FAM178B: variants seen among roughly 807,000 people sequenced by gnomAD.
FAM178B encodes the protein protein FAM178B.
Under a neutral mutation model 91.7 loss-of-function variants are expected in FAM178B, and 82 were observed. That is an observed-to-expected ratio of 0.89 (90% CI 0.75 to 1.07). The LOEUF (loss-of-function observed/expected upper bound fraction) is 1.07. Ranked by LOEUF, FAM178B falls within the 50% of genes least tolerant of loss-of-function variation. FAM178B has a pLI of 0.00. For synonymous variants in FAM178B, 368 were observed against 359.4 expected (o/e 1.02, Z -0.27); for missense variants, 769 against 846.7 (o/e 0.91, Z 1.14).
At chr2:96,887,329 A>C (rs1286027904) in intron 14 of FAM178B, among the ~76,000 whole-genome samples, 1 of 152,164 alleles carries the variant, frequency 6.6e-6, no homozygotes. Flanking sequence ...TCAACCTCTG[A>C]AAGTGCTGAA....
intron 8 of FAM178B, among the ~76,000 whole-genome samples, chr2:96,946,812 A>G (rs2081836865): frequency 6.6e-6 from 1 of 152,242 alleles, no homozygotes; most frequent in Non-Finnish European, 1.5e-5. Context: ...GGCAGAGGTT[A>G]CGAAAAGGGA....
chr2:96,958,943 G>A (rs908209089), intron 6 of FAM178B, among the ~76,000 whole-genome samples: 2 of 151,850 alleles, frequency 1.3e-5, no homozygotes, highest in African/African-American at 2.4e-5. Context: ...GCTCATGCCT[G>A]TAATCCCAGC....
chr2:96,977,502 T>C (rs1442574251), intron 1 of FAM178B, among the ~76,000 whole-genome samples: 1 of 151,420 alleles, frequency 6.6e-6, no homozygotes, highest in Non-Finnish European at 1.5e-5. Context: ...AAATTGCTCT[T>C]TAAACAAACT....
At chr2:96,913,792 C>T (rs1429831385) in intron 12 of FAM178B, among the ~76,000 whole-genome samples, 3 of 152,162 alleles carry the variant, frequency 2.0e-5, no homozygotes, top group Admixed American at 2.0e-4. Flanking sequence ...GGGTCCCTGG[C>T]CAGAAAAGCC....
intron 1 of FAM178B, among the ~76,000 whole-genome samples, chr2:96,979,663 G>A (rs373352058): frequency 1.6e-4 from 25 of 152,122 alleles, no homozygotes; most frequent in African/African-American, 5.8e-4. Context: ...TGGGATTGGT[G>A]GGTTGAATGG....
intron 4 of FAM178B, among the ~76,000 whole-genome samples, chr2:96,969,500 C>T (rs555170853): frequency 6.6e-6 from 1 of 152,256 alleles, no homozygotes; most frequent in East Asian, 1.9e-4. Flanking sequence ...TTGTTTAAGC[C>T]CCCAGTGTGT....
In FAM178B at chr2:96,886,936, C is replaced by T. The variant is rs570456183; in HGVS notation, c.1776+6990G>A. On this transcript the variant is annotated intron_variant, in intron 14 of 16. Transcript: ENST00000490605. ...CATTTTTAAAAAAAAACCTTTTGGC[C>T]GGGCGCGGTGGCTCACGCCTGTAAT... 7.1e-4 allele frequency among the ~76,000 whole-genome samples: 108 copies of T among 152,286 alleles called. 1 individual carries two copies. Among genetic ancestry groups the T allele is most frequent in the African/African-American group, 2.6e-3 (107 of 41,560 alleles).
chr2:96,985,627 G>A (rs749692687), intron 1 of FAM178B, among the ~76,000 whole-genome samples: 1 of 152,182 alleles, frequency 6.6e-6, no homozygotes, highest in Non-Finnish European at 1.5e-5. Context: ...TGTCAAAAGA[G>A]CCAAGATGAA....
chr2:96,938,001 T>A (rs1331731118), intron 8 of FAM178B, among the ~76,000 whole-genome samples: 1 of 152,152 alleles, frequency 6.6e-6, no homozygotes, highest in Non-Finnish European at 1.5e-5. Context: ...ACCACTGCAC[T>A]CCAGCCTGGG....
chr2:96,924,008 G>A (rs1364067955), intron 9 of FAM178B, among the ~76,000 whole-genome samples: 9 of 152,196 alleles, frequency 5.9e-5, no homozygotes, highest in Admixed American at 1.3e-4. Flanking sequence ...ACCTAACCTC[G>A]AAAGTGACAT....
intron 14 of FAM178B, among the ~76,000 whole-genome samples, chr2:96,884,475 C>T (rs960493614): frequency 5.3e-5 from 8 of 152,304 alleles, no homozygotes; most frequent in South Asian, 2.1e-4. Context: ...CCCCGGGGCA[C>T]GGTCTAGGTA....
chr2:96,896,886 A>G (rs1037337545), intron 13 of FAM178B, among the ~76,000 whole-genome samples: 3 of 152,090 alleles, frequency 2.0e-5, no homozygotes, highest in Non-Finnish European at 2.9e-5. Flanking sequence ...CTATCTATCT[A>G]AACAGAATCT....
At chr2:96,909,610 C>T (rs2081117571) in intron 12 of FAM178B, among the ~76,000 whole-genome samples, 1 of 152,184 alleles carries the variant, frequency 6.6e-6, no homozygotes, top group African/African-American at 2.4e-5. Flanking sequence ...GGCTGATGCT[C>T]ATTTTCTTGG....
intron 8 of FAM178B, among the ~76,000 whole-genome samples, chr2:96,931,855 TG>T (rs1392186676): frequency 6.6e-6 from 1 of 151,134 alleles, no homozygotes; most frequent in African/African-American, 2.4e-5. Flanking sequence ...CTTGTTTGTT[TG>T]TTTTTTTTTT....
chr2:96,976,197 C>T (rs1282048347), intron 1 of FAM178B, among the ~76,000 whole-genome samples: 4 of 151,628 alleles, frequency 2.6e-5, no homozygotes, highest in Admixed American at 6.6e-5. Context: ...CAGGTTCAAG[C>T]GATTCTCCTG....
intron 13 of FAM178B, chr2:96,895,135 C>T (rs1216782564): frequency 7.8e-7 from 1 of 1,287,926 alleles, no homozygotes; most frequent in Non-Finnish European, 1.0e-6. Flanking sequence ...CCCCTTCCCG[C>T]TCTTTTCCTT....
chr2:96,889,725 A>T (rs903126786), intron 14 of FAM178B, among the ~76,000 whole-genome samples: 2 of 136,732 alleles, frequency 1.5e-5, no homozygotes, highest in South Asian at 2.4e-4. Context: ...AATAAATACA[A>T]AAAAAAATAG....
chr2:96,876,767 G>C (rs973960728), intron 16 of FAM178B, among the ~76,000 whole-genome samples: 4 of 152,118 alleles, frequency 2.6e-5, no homozygotes, highest in Non-Finnish European at 5.9e-5. Context: ...ACTGGTGGTG[G>C]GGTGGGGGGT....
In FAM178B at chr2:96,896,263, TCTCA is replaced by T. The variant is rs1247321421; in HGVS notation, c.1651-2216_1651-2213del. Among the ~76,000 whole-genome samples the T allele has an allele frequency of 4.6e-5, 7 of 152,170 alleles. No individual in the cohort carries two copies. The East Asian group carries it at 1.4e-3, about 29-fold the overall frequency. On this transcript the variant is annotated intron_variant, in intron 13 of 16. Transcript: ENST00000490605. ...GCGATGCTTGCTCTTGTGTTTTTCC[TCTCA>T]CTCATGAAAACAGCTTGGCTGTGCT...
Sources: allele counts gnomAD v4.1 joint callset (sites outside exome capture counted in the v4.1 genomes callset), GRCh38; gene constraint gnomAD v4.1.1; transcripts MANE v1.5; gene names NCBI Gene and HGNC (gene_info 2026-07-23, HGNC 2026-07-21).